KCNAB1: variants seen among roughly 807,000 people sequenced by gnomAD.
KCNAB1 encodes the protein voltage-gated potassium channel subunit beta-1.
A neutral mutation model predicts 64.6 loss-of-function variants in KCNAB1; 35 were observed. That is an observed-to-expected ratio of 0.54 (90% CI 0.41 to 0.72). KCNAB1 has a LOEUF of 0.72. Among genes scored for constraint, KCNAB1 ranks in the 30% least tolerant of loss-of-function variants. KCNAB1 has a pLI of 0.00. For missense variants in KCNAB1, 401 were observed against 512.9 expected, an observed-to-expected ratio of 0.78 and a Z score of 2.11; for synonymous variants, 177 against 183.8, an observed-to-expected ratio of 0.96 and a Z score of 0.30.
chr3:156,447,670 T>C (rs1711668820), intron 2 of KCNAB1, among the ~76,000 whole-genome samples: 2 of 152,136 alleles, frequency 1.3e-5, no homozygotes, highest in Admixed American at 1.3e-4. Flanking sequence ...GTCTACATCA[T>C]GAAAGACAGG....
At chr3:156,459,951 C>T (rs1180959096) in intron 5 of KCNAB1, 80 bp downstream of exon 5, 19 of 981,424 alleles carry the variant, frequency 1.9e-5, no homozygotes, top group Non-Finnish European at 2.9e-5. Context: ...TTATATGACA[C>T]CTGACCAAAA....
chr3:156,440,382 G>C (rs1403445), intron 2 of KCNAB1, among the ~76,000 whole-genome samples: 4 of 152,006 alleles, frequency 2.6e-5, no homozygotes, highest in Non-Finnish European at 5.9e-5. Flanking sequence ...AAGCATGGCT[G>C]GGAATACCAG....
chr3:156,534,352 CAGG>C (rs991797945), intron 13 of KCNAB1, among the ~76,000 whole-genome samples: 2 of 152,150 alleles, frequency 1.3e-5, no homozygotes, highest in Non-Finnish European at 2.9e-5. Context: ...ATGGGAGAGA[CAGG>C]AGGAGAAACC....
intron 1 of KCNAB1, among the ~76,000 whole-genome samples, chr3:156,326,371 G>C (rs1722967461): frequency 6.6e-6 from 1 of 152,108 alleles, no homozygotes; most frequent in Admixed American, 6.6e-5. Context: ...GCAGAGTTCT[G>C]ACCATATGTC....
chr3:156,521,617 A>G (rs1443972303), intron 11 of KCNAB1, among the ~76,000 whole-genome samples: 3 of 152,202 alleles, frequency 2.0e-5, no homozygotes, highest in Non-Finnish European at 4.4e-5. Flanking sequence ...TTTGATTCAT[A>G]GATTACTGTC....
intron 2 of KCNAB1, among the ~76,000 whole-genome samples, chr3:156,434,534 A>T (rs988392475): frequency 5.9e-5 from 9 of 152,228 alleles, no homozygotes; most frequent in Non-Finnish European, 1.5e-5. Context: ...TATCAGAAAA[A>T]GATCTCTAAT....
At chr3:156,230,931 G>A (rs1482658072) in intron 1 of KCNAB1, among the ~76,000 whole-genome samples, 3 of 152,190 alleles carry the variant, frequency 2.0e-5, no homozygotes, top group African/African-American at 7.2e-5. Context: ...TCTGTTGGGA[G>A]AAACAGCCTT....
At chr3:156,228,699 TTTC>T (rs2108430825) in intron 1 of KCNAB1, among the ~76,000 whole-genome samples, 1 of 152,276 alleles carries the variant, frequency 6.6e-6, no homozygotes, top group South Asian at 2.1e-4. Context: ...GTTCCAGGCT[TTTC>T]TTACCCTTGA....
intron 1 of KCNAB1, chr3:156,176,605 A>G (rs7625723): frequency 0.66 from 584,401 of 890,720 alleles, 195,878 homozygotes; most frequent in East Asian, 0.96. Context: ...GTATGGCAGA[A>G]TTATCACAGT....
At chr3:156,531,762 G>A (rs1428301660) in intron 13 of KCNAB1, among the ~76,000 whole-genome samples, 1 of 152,182 alleles carries the variant, frequency 6.6e-6, no homozygotes, top group Non-Finnish European at 1.5e-5. Flanking sequence ...GACTTCCCAG[G>A]CCTCGCCATA....
chr3:156,256,812 T>G (rs1257228585), intron 1 of KCNAB1, among the ~76,000 whole-genome samples: 21 of 152,238 alleles, frequency 1.4e-4, no homozygotes, highest in Admixed American at 1.3e-3. Context: ...TGGCTTCTAG[T>G]TGGGTTCAGC....
intron 1 of KCNAB1, among the ~76,000 whole-genome samples, chr3:156,364,584 C>T (rs947031429): frequency 1.3e-5 from 2 of 152,002 alleles, no homozygotes; most frequent in African/African-American, 4.8e-5. Flanking sequence ...TTCGAGACCA[C>T]CCTAACCAAC....
intron 1 of KCNAB1, among the ~76,000 whole-genome samples, chr3:156,198,385 G>C (rs1714095706): frequency 6.6e-6 from 1 of 152,044 alleles, no homozygotes; most frequent in African/African-American, 2.4e-5. Context: ...ATTGACAGTG[G>C]GGTGTTAAAG....
chr3:156,528,067 G>C (rs901902460), intron 12 of KCNAB1, among the ~76,000 whole-genome samples: 1 of 151,914 alleles, frequency 6.6e-6, no homozygotes, highest in African/African-American at 2.4e-5. Context: ...GTGACCTCGA[G>C]TAGTCAGGTA....
chr3:156,278,052 T>C (rs1719447575), intron 1 of KCNAB1, among the ~76,000 whole-genome samples: 1 of 152,170 alleles, frequency 6.6e-6, no homozygotes. Flanking sequence ...AACTTAACTG[T>C]TACAGAATTT....
intron 1 of KCNAB1, among the ~76,000 whole-genome samples, chr3:156,123,718 C>T (rs1713482382): frequency 1.3e-5 from 2 of 152,198 alleles, no homozygotes; most frequent in South Asian, 4.1e-4. Context: ...CAGGGCCCTG[C>T]ACCTTGAGGG....
intron 1 of KCNAB1, among the ~76,000 whole-genome samples, chr3:156,406,732 A>T (rs542639078): frequency 5.9e-5 from 9 of 152,294 alleles, no homozygotes; most frequent in African/African-American, 2.2e-4. Flanking sequence ...GAGAAAAGAG[A>T]TAGAACCTGA....
intron 1 of KCNAB1, among the ~76,000 whole-genome samples, chr3:156,324,679 T>C (rs1432140705): frequency 3.3e-5 from 5 of 152,124 alleles, no homozygotes; most frequent in African/African-American, 4.8e-5. Context: ...TGGGGACTTT[T>C]CCTCAGACCC....
intron 1 of KCNAB1, among the ~76,000 whole-genome samples, chr3:156,129,142 T>C (rs1247010763): frequency 6.6e-6 from 1 of 152,228 alleles, no homozygotes; most frequent in Non-Finnish European, 1.5e-5. Context: ...TATTCATTTT[T>C]TGTCAGTCGT....
Sources: gnomAD v4.1 joint callset for allele counts (sites outside exome capture counted in the v4.1 genomes callset) on GRCh38, gnomAD v4.1.1 for gene constraint, MANE v1.5 for transcripts, NCBI Gene and HGNC (gene_info 2026-07-23, HGNC 2026-07-21) for gene names.